Variants in RBMS1 observed in about 807,000 individuals in gnomAD.
RBMS1 encodes the protein RNA binding motif single stranded interacting protein 1.
A neutral mutation model predicts 62.3 loss-of-function variants in RBMS1; 17 were observed. The observed-to-expected ratio is 0.27, with a 90% CI of 0.19 to 0.41. RBMS1 has a LOEUF of 0.41. Ranked by LOEUF, RBMS1 falls within the 10% of genes least tolerant of loss-of-function variation. The pLI is 1.00. For missense variants in RBMS1, 334 were observed against 504.5 expected (o/e 0.66, Z 3.24); for synonymous variants, 172 against 170.0 (o/e 1.01, Z -0.09).
chr2:160,362,526 G>A (rs1308936629), intron 2 of RBMS1, among the ~76,000 whole-genome samples: 1 of 152,224 alleles, frequency 6.6e-6, no homozygotes, highest in African/African-American at 2.4e-5. Flanking sequence ...TGACCAGCCA[G>A]TGGAGCAGTC....
Position 160,493,519 on chromosome 2 carries a change from A to ACGTCCTCCTCCTCCTCCTCCTCTT in RBMS1, c.-180_-157dup. The ACGTCCTCCTCCTCCTCCTCCTCTT allele has an allele frequency of 1.6e-6, 1 of 619,816 alleles. No homozygotes were observed. The highest frequency in any genetic ancestry group is 1.8e-5 in the South Asian group (1 of 55,326). 38.4% of individuals were successfully genotyped at this position (619,816 alleles called of 1,614,324 possible). ...TGCTCCACCTCCCAGCCGGGACCAGACGTCCTCCTCCTCCTCCTCCTCTTC... is the reference window on the plus strand; with the variant it reads ...TGCTCCACCTCCCAGCCGGGACCAGACGTCCTCCTCCTCCTCCTCCTCTTCGTCCTCCTCCTCCTCCTCCTCTTC... On this transcript the variant is annotated 5_prime_UTR_variant, in exon 1 of 14. Coordinates refer to ENST00000348849, the MANE Select transcript of RBMS1 (RefSeq NM_016836.4).
rs367822783 is a variant in RBMS1, at chr2:160,400,638, C to T, written c.76-33247G>A. ...AAAAGTAATCTAGAATATGAAATTTCATATATATAGCTACGTTTCCCCCTC... is the reference window on the plus strand; with the variant it reads ...AAAAGTAATCTAGAATATGAAATTTTATATATATAGCTACGTTTCCCCCTC... On this transcript the variant is annotated intron_variant, in intron 1 of 13. Transcript: ENST00000348849. Among the ~76,000 whole-genome samples the T allele has an allele frequency of 2.9e-4, 44 of 152,188 alleles. No individual in the cohort carries two copies. In the East Asian group the frequency reaches 3.5e-3, roughly 12 times the overall value.
At chr2:160,282,361 T>G in intron 9 of RBMS1, 1 of 1,340,382 alleles carries the variant, frequency 7.5e-7, no homozygotes, top group Non-Finnish European at 1.0e-6. Context: ...TTATCTGGAC[T>G]GTAGCCTTTC....
intron 2 of RBMS1, among the ~76,000 whole-genome samples, chr2:160,328,101 G>C (rs1277296640): frequency 3.3e-5 from 5 of 152,112 alleles, no homozygotes; most frequent in Non-Finnish European, 7.4e-5. Context: ...ATGGCCAATG[G>C]GCAGCCCTGT....
At position 160,327,419 on chromosome 2, in the gene RBMS1, C is replaced by A. The variant is rs113953356; in HGVS notation, c.252-9192G>T. 3.3e-5 allele frequency among the ~76,000 whole-genome samples: 5 copies of A among 152,144 alleles called. No homozygotes were observed. The South Asian group carries it at 6.2e-4, about 19-fold the overall frequency. On this transcript the variant is annotated intron_variant, in intron 2 of 13. Coordinates refer to ENST00000348849, the MANE Select transcript of RBMS1 (RefSeq NM_016836.4). ...ACACTAAAACTATCTCATTAAAAAT[C>A]GCTAAGATGCATTTTTTTGCCATAG...
At chr2:160,464,526 A>C (rs1372125066) in intron 1 of RBMS1, among the ~76,000 whole-genome samples, 1 of 152,232 alleles carries the variant, frequency 6.6e-6, no homozygotes, top group Admixed American at 6.5e-5. Context: ...GAAGAAAGGC[A>C]GGCAATATTT....
chr2:160,492,304 C>T (rs1445873665), intron 1 of RBMS1, among the ~76,000 whole-genome samples: 1 of 152,110 alleles, frequency 6.6e-6, no homozygotes, highest in Non-Finnish European at 1.5e-5. Flanking sequence ...TTCCAGTCTT[C>T]ATGGCCCAAA....
At chr2:160,484,773 A>G (rs1685526382) in intron 1 of RBMS1, among the ~76,000 whole-genome samples, 1 of 151,352 alleles carries the variant, frequency 6.6e-6, no homozygotes, top group Non-Finnish European at 1.5e-5. Flanking sequence ...CAGGAGGCTG[A>G]GGCAGGAGAA....
chr2:160,381,626 T>C (rs756401390), intron 1 of RBMS1, among the ~76,000 whole-genome samples: 24 of 151,938 alleles, frequency 1.6e-4, no homozygotes, highest in Non-Finnish European at 3.2e-4. Flanking sequence ...GAAGAGAAAA[T>C]GGGAGTGAAG....
chr2:160,482,117 T>C lies in RBMS1; in HGVS notation c.75+11172A>G, dbSNP rs561886920. Among the ~76,000 whole-genome samples the C allele has an allele frequency of 1.4e-4, 21 of 152,202 alleles. No homozygotes were observed. In the East Asian group the frequency reaches 3.9e-3, roughly 28 times the overall value. ...TGATACAATATATCCTGTAATCCAATACACATAGCATTAAAAAAAGAACCA... is the reference window on the plus strand; with the variant it reads ...TGATACAATATATCCTGTAATCCAACACACATAGCATTAAAAAAAGAACCA... On this transcript the variant is annotated intron_variant, in intron 1 of 13. Transcript: ENST00000348849.
At chr2:160,326,842 A>G (rs1013945718) in intron 2 of RBMS1, among the ~76,000 whole-genome samples, 3 of 152,236 alleles carry the variant, frequency 2.0e-5, no homozygotes, top group African/African-American at 7.2e-5. Context: ...GCTTAACTTG[A>G]CATCTGAGAA....
intron 1 of RBMS1, among the ~76,000 whole-genome samples, chr2:160,414,493 A>C (rs959773009): frequency 2.0e-5 from 3 of 152,180 alleles, no homozygotes; most frequent in Middle Eastern, 3.2e-3. Context: ...ATATTAGCTA[A>C]GTTATGAGAT....
chr2:160,397,048 C>T (rs1281713068), intron 1 of RBMS1, among the ~76,000 whole-genome samples: 1 of 152,166 alleles, frequency 6.6e-6, no homozygotes, highest in Non-Finnish European at 1.5e-5. Flanking sequence ...GCATACTCAT[C>T]TTACCAATGT....
At chr2:160,446,010 G>A (rs1683626428) in intron 1 of RBMS1, among the ~76,000 whole-genome samples, 1 of 151,862 alleles carries the variant, frequency 6.6e-6, no homozygotes, top group African/African-American at 2.4e-5. Context: ...AAAAAAAAAT[G>A]TATTAAGTGT....
chr2:160,369,429 C>T (rs1398393554), intron 1 of RBMS1, among the ~76,000 whole-genome samples: 1 of 152,222 alleles, frequency 6.6e-6, no homozygotes, highest in African/African-American at 2.4e-5. Flanking sequence ...CTATTTTTCA[C>T]ATCAGTGAGA....
chr2:160,359,268 C>G (rs1692988351), intron 2 of RBMS1, among the ~76,000 whole-genome samples: 1 of 152,154 alleles, frequency 6.6e-6, no homozygotes, highest in Non-Finnish European at 1.5e-5. Context: ...TAGAATGATG[C>G]CGAATGCAGG....
chr2:160,338,147 CT>C (rs1392020319), intron 2 of RBMS1, among the ~76,000 whole-genome samples: 1 of 152,090 alleles, frequency 6.6e-6, no homozygotes. Context: ...AACTGTCCTC[CT>C]TATGGAAAGG....
rs1047143861 is a variant in RBMS1 at position 160,272,394 on chromosome 2, T to C, written c.*2378A>G. ...TATAGATATCTCTATGAAAATCTTT[T>C]TTTTTCAATCTGTACAAAAGGTCTT... On this transcript the variant is annotated 3_prime_UTR_variant, in exon 14 of 14. Coordinates refer to ENST00000348849, the MANE Select transcript of RBMS1 (RefSeq NM_016836.4). The C allele has an allele frequency of 5.9e-5, 9 of 152,204 alleles. No homozygotes were observed. The South Asian group carries it at 1.0e-3, about 17-fold the overall frequency. 9.4% of individuals were successfully genotyped at this position (152,204 alleles called of 1,614,324 possible).
chr2:160,426,274 AAAGAAAGAAAG>A (rs1429920666), intron 1 of RBMS1, among the ~76,000 whole-genome samples: 5 of 126,000 alleles, frequency 4.0e-5, no homozygotes, highest in Middle Eastern at 3.4e-3. Flanking sequence ...AGAAAGAAAG[AAAGAAAGAAAG>A]AAAGAAAAGA....
Sources: gnomAD v4.1 joint callset for allele counts (sites outside exome capture counted in the v4.1 genomes callset) on GRCh38, gnomAD v4.1.1 for gene constraint, MANE v1.5 for transcripts, NCBI Gene and HGNC (gene_info 2026-07-23, HGNC 2026-07-21) for gene names.